The following NOMO1 variants were observed in gnomAD, a reference collection of about 807,000 sequenced individuals.
The protein encoded by NOMO1 is nodal modulator 3.
A neutral mutation model predicts 133.8 loss-of-function variants in NOMO1; 40 were observed. The observed-to-expected ratio is 0.30, with a 90% CI of 0.23 to 0.39. The LOEUF (loss-of-function observed/expected upper bound fraction) is 0.39, where lower values mean the gene tolerates loss of function less well. NOMO1 is among the 10% of genes least tolerant of loss of function. The probability of loss-of-function intolerance (pLI) is 1.00; values close to 1 mark genes in which losing one functional copy is unlikely to be tolerated. For synonymous variants in NOMO1, 236 were observed against 570.5 expected, an observed-to-expected ratio of 0.41 and a Z score of 8.36; for missense variants, 462 against 1,419.9, an observed-to-expected ratio of 0.33 and a Z score of 10.84.
intron 1 of NOMO1, among the ~76,000 whole-genome samples, chr16:14,836,325 G>T (rs1232858580): frequency 1.3e-5 from 2 of 152,006 alleles, no homozygotes; most frequent in African/African-American, 4.8e-5. Flanking sequence ...TGACCTCAGA[G>T]AACTTTACAT....
intron 2 of NOMO1, among the ~76,000 whole-genome samples, chr16:14,839,843 G>T: frequency 6.6e-6 from 1 of 150,964 alleles, no homozygotes; most frequent in East Asian, 2.0e-4. Context: ...CTGGGTTCCA[G>T]TGATTCTTCT....
chr16:14,867,896 T>C (rs1964027633), intron 15 of NOMO1, among the ~76,000 whole-genome samples: 1 of 125,934 alleles, frequency 7.9e-6, no homozygotes, highest in Admixed American at 7.9e-5. Flanking sequence ...ATAAGATCCT[T>C]TTTTTTTTTT....
At chr16:14,874,731 C>T (rs1435132007) in intron 18 of NOMO1, among the ~76,000 whole-genome samples, 3 of 151,934 alleles carry the variant, frequency 2.0e-5, no homozygotes, top group African/African-American at 7.3e-5. Flanking sequence ...GAATGGAGAA[C>T]AGAGGATGGT....
chr16:14,843,127 C>T (rs915629288), intron 3 of NOMO1, among the ~76,000 whole-genome samples: 3 of 131,138 alleles, frequency 2.3e-5, no homozygotes, highest in Non-Finnish European at 3.2e-5. Context: ...CATGTTGACC[C>T]AGGCTGGTCT....
intron 4 of NOMO1, among the ~76,000 whole-genome samples, chr16:14,845,702 G>A (rs1963669933): frequency 6.6e-6 from 1 of 151,756 alleles, no homozygotes; most frequent in Admixed American, 6.6e-5. Context: ...CTACCTTTGC[G>A]GTGACGGGGA....
At chr16:14,887,654 A>G (rs911012580) in intron 28 of NOMO1, among the ~76,000 whole-genome samples, 5 of 152,186 alleles carry the variant, frequency 3.3e-5, no homozygotes, top group African/African-American at 9.6e-5. Context: ...AGGAAACGCC[A>G]TGATTTATTT....
rs1326134189 is a variant in NOMO1, at chr16:14,892,878, C to T, written c.3445-2120C>T. Among the ~76,000 whole-genome samples, 7 of 127,132 alleles carry T rather than the reference C, an allele frequency of 5.5e-5. 1 individual carries two copies. The highest frequency in any genetic ancestry group is 1.3e-4 in the African/African-American group (5 of 37,866). The allele number at this position is 127,132 out of a possible 152,430, so 83.4% of individuals were successfully genotyped here. A position where few individuals can be genotyped will look rare whatever the true frequency, so the allele number is the denominator to read the frequency against. ...ATGGTTTCCACCTCGTTCTGCCCTC[C>T]GCGTGATGAGTGGCTCAGCTTTGCA... On this transcript the variant is annotated intron_variant, in intron 29 of 30. Coordinates refer to ENST00000287667, the MANE Select transcript of NOMO1 (RefSeq NM_014287.4).
rs368065846 is a variant in NOMO1, at chr16:14,857,327, G to A, written c.1069+5G>A. 1.6e-3 allele frequency: 2,466 copies of A among 1,564,434 alleles called. 47 individuals are homozygous for A. The African/African-American group carries it at 0.03, about 19-fold the overall frequency. On this transcript the variant is annotated splice_donor_5th_base_variant and intron_variant, in intron 10 of 30. Coordinates refer to ENST00000287667, the MANE Select transcript of NOMO1 (RefSeq NM_014287.4). ...CCCTGAATAACCAAATCAAAGGTGG[G>A]CTGACACAGCAGCCCCAGGCTGATG...
intron 18 of NOMO1, among the ~76,000 whole-genome samples, chr16:14,874,520 A>G (rs1964126178): frequency 6.6e-6 from 1 of 151,990 alleles, no homozygotes; most frequent in South Asian, 2.1e-4. Context: ...CTTTAATGTA[A>G]AACAGTGCTC....
chr16:14,885,085 T>C (rs1244721560), intron 27 of NOMO1, among the ~76,000 whole-genome samples: 1 of 151,948 alleles, frequency 6.6e-6, no homozygotes, highest in Admixed American at 6.6e-5. Context: ...CCACACACTT[T>C]TAAATGATCA....
chr16:14,881,522 G>A lies in NOMO1; in HGVS notation c.2886-22G>A, dbSNP rs746629674. ...AGATAACCATGAGAATATCTCATTC[G>A]TGCCTGTTCTTGCCATACTAGTTGC... On this transcript the variant is annotated intron_variant, in intron 24 of 30. Transcript: ENST00000287667. 1.3e-5 allele frequency: 21 copies of A among 1,606,460 alleles called. No individual in the cohort carries two copies. In the Admixed American group the frequency reaches 1.7e-4, roughly 13 times the overall value.
chr16:14,889,268 A>G, intron 29 of NOMO1, 53 bp downstream of exon 29: 1 of 1,611,560 alleles, frequency 6.2e-7, no homozygotes, highest in South Asian at 1.1e-5. Flanking sequence ...TTGGTGGCTC[A>G]CGCCTGTAAT....
intron 27 of NOMO1, 128 bp from the exon 28 acceptor site, chr16:14,886,633 C>G: frequency 7.1e-7 from 1 of 1,408,532 alleles, no homozygotes; most frequent in Non-Finnish European, 9.9e-7. Flanking sequence ...ATGGAGGGAG[C>G]TTTCTTTTTC....
At chr16:14,836,806 C>T (rs1963520420) in intron 1 of NOMO1, among the ~76,000 whole-genome samples, 2 of 150,272 alleles carry the variant, frequency 1.3e-5, no homozygotes, top group Admixed American at 1.3e-4. Flanking sequence ...CCCGGGTTCA[C>T]GCCATTCTCC....
At chr16:14,883,970 A>G (rs1419622636) in intron 26 of NOMO1, among the ~76,000 whole-genome samples, 1 of 150,372 alleles carries the variant, frequency 6.7e-6, no homozygotes, top group Non-Finnish European at 1.5e-5. Context: ...CAAGTAATTC[A>G]AACGTAGAAA....
At chr16:14,857,682 C>T in intron 11 of NOMO1, 27 bp downstream of exon 11, 16 of 1,613,598 alleles carry the variant, frequency 9.9e-6, no homozygotes, top group South Asian at 2.2e-5. Flanking sequence ...GATTTGGAAG[C>T]GCCAGTAAAT....
At chr16:14,845,109 C>A (rs1229792720) in intron 4 of NOMO1, among the ~76,000 whole-genome samples, 1 of 151,860 alleles carries the variant, frequency 6.6e-6, no homozygotes, top group African/African-American at 2.4e-5. Context: ...GCAGCCTCCA[C>A]CTCCCAGGTT....
In NOMO1 at chr16:14,857,534, C is replaced by A; in HGVS notation, c.1099C>A (p.Leu367Ile). ...VKTKADGSFRLENITTGTYTI... is the reference protein window; with the variant it reads ...VKTKADGSFRIENITTGTYTI... ...AACAAAAGCTGATGGCTCATTCCGC[C>A]TTGAGAACATAACCACAGGGACATA... Residue 367 changes from leucine (L) to isoleucine (I), a missense_variant, in exon 11 of 31, where the codon CTT becomes ATT. Leu to Ile is a conservative substitution (Grantham distance 5). Coordinates refer to ENST00000287667, the MANE Select transcript of NOMO1 (RefSeq NM_014287.4). 1 of 1,610,476 alleles carries A rather than the reference C, an allele frequency of 6.2e-7. No homozygotes were observed. The highest frequency in any genetic ancestry group is 1.7e-5 in the Admixed American group (1 of 59,698).
At chr16:14,857,734 G>T in intron 11 of NOMO1, 79 bp downstream of exon 11, 2 of 1,596,540 alleles carry the variant, frequency 1.3e-6, no homozygotes, top group Non-Finnish European at 1.7e-6. Context: ...TGTGATCTGT[G>T]TGTCTTTGCC....
Sources: allele counts gnomAD v4.1 joint callset (sites outside exome capture counted in the v4.1 genomes callset), GRCh38; gene constraint gnomAD v4.1.1; transcripts MANE v1.5; gene names NCBI Gene and HGNC (gene_info 2026-07-23, HGNC 2026-07-21).